Variants in FBN1 observed in about 807,000 individuals in gnomAD.
FBN1 encodes the protein fibrillin 1, also known as fibrillin-1.
FBN1 carries 29 observed loss-of-function variants against 365.1 expected under a neutral mutation model. That is an observed-to-expected ratio of 0.08 (90% confidence interval 0.06 to 0.11). FBN1 has a LOEUF of 0.11. FBN1 is among the 10% of genes least tolerant of loss of function. The pLI is 1.00. For missense variants in FBN1, 2,476 were observed against 3,703.2 expected (o/e 0.67, Z 8.60); for synonymous variants, 1,210 against 1,270.5 (o/e 0.95, Z 1.01).
chr15:48,581,116 C>T (rs2044388636), intron 6 of FBN1, among the ~76,000 whole-genome samples: 2 of 152,270 alleles, frequency 1.3e-5, no homozygotes, highest in South Asian at 4.1e-4. Context: ...ATGCCAGATC[C>T]ATTCTTTAAT....
intron 6 of FBN1, among the ~76,000 whole-genome samples, chr15:48,592,908 T>G (rs2140706658): frequency 6.6e-6 from 1 of 152,240 alleles, no homozygotes; most frequent in South Asian, 2.1e-4. Context: ...AAGCCACAGG[T>G]CTCTATTTTT....
chr15:48,569,799 C>A (rs764443781), intron 6 of FBN1, among the ~76,000 whole-genome samples: 9 of 152,016 alleles, frequency 5.9e-5, no homozygotes, highest in Non-Finnish European at 1.3e-4. Context: ...TGGGAGAGAG[C>A]AAGGATTTTT....
chr15:48,525,381 G>T (rs553772351), intron 9 of FBN1, among the ~76,000 whole-genome samples: 7 of 152,308 alleles, frequency 4.6e-5, no homozygotes, highest in African/African-American at 1.2e-4. Context: ...GTGAGCTACT[G>T]CGCCCAGCCA....
intron 6 of FBN1, among the ~76,000 whole-genome samples, chr15:48,570,337 T>A (rs962362034): frequency 6.6e-6 from 1 of 152,166 alleles, no homozygotes; most frequent in Non-Finnish European, 1.5e-5. Flanking sequence ...CAAATAAGAT[T>A]CTTTACATAA....
chr15:48,638,597 T>A (rs1890140476), intron 2 of FBN1, among the ~76,000 whole-genome samples: 1 of 146,526 alleles, frequency 6.8e-6, no homozygotes, highest in Non-Finnish European at 1.5e-5. Flanking sequence ...CAAAGTACAA[T>A]CATAAGTGAT....
chr15:48,637,629 C>T (rs1890117663), intron 2 of FBN1, among the ~76,000 whole-genome samples: 1 of 152,152 alleles, frequency 6.6e-6, no homozygotes, highest in Non-Finnish European at 1.5e-5. Flanking sequence ...ACTCCAAGCT[C>T]TAGTCTATAT....
intron 6 of FBN1, among the ~76,000 whole-genome samples, chr15:48,546,338 C>A (rs1566924129): frequency 6.6e-6 from 1 of 152,216 alleles, no homozygotes. Flanking sequence ...ATTGGGTACA[C>A]CTGCCTTGGT....
At chr15:48,517,612 GT>G (rs972544536) in intron 10 of FBN1, among the ~76,000 whole-genome samples, 1 of 152,174 alleles carries the variant, frequency 6.6e-6, no homozygotes, top group African/African-American at 2.4e-5. Flanking sequence ...CCAAAAAGGT[GT>G]TTTTAAGCAG....
At chr15:48,639,540 A>G (rs914869577) in intron 2 of FBN1, among the ~76,000 whole-genome samples, 1 of 152,198 alleles carries the variant, frequency 6.6e-6, no homozygotes, top group African/African-American at 2.4e-5. Context: ...AACTAAACTC[A>G]AGCTAGCATT....
chr15:48,495,339 C>G, intron 21 of FBN1, 79 bp from the exon 22 acceptor site: 6 of 1,595,396 alleles, frequency 3.8e-6, no homozygotes, highest in African/African-American at 1.3e-5. Flanking sequence ...ACAAAAATAG[C>G]ATTTGAAACA....
intron 2 of FBN1, chr15:48,641,980 G>T (rs551861041): frequency 6.6e-6 from 1 of 152,124 alleles, no homozygotes; most frequent in African/African-American, 2.4e-5. Flanking sequence ...ATATAAACAC[G>T]TGTATGTAAA....
Position 48,613,161 on chromosome 15 carries a change from G to A in FBN1, c.165-69C>T. ...AAGAGGAAGAGATGGCCAAATAAAA[G>A]GAAAAAAAATTCCTGAGTTATAAAA... On this transcript the variant is annotated intron_variant, in intron 2 of 65. Coordinates refer to ENST00000316623, the MANE Select transcript of FBN1 (RefSeq NM_000138.5). The A allele has an allele frequency of 5.7e-6, 7 of 1,233,798 alleles. No individual in the cohort carries two copies. In the Admixed American group the frequency reaches 7.1e-5, roughly 12 times the overall value. The allele number at this position is 1,233,798 out of a possible 1,614,324, so 76.4% of individuals were successfully genotyped here.
At chr15:48,567,998 T>TAAGG (rs1555403245) in intron 6 of FBN1, among the ~76,000 whole-genome samples, 10 of 56,430 alleles carry the variant, frequency 1.8e-4, no homozygotes, top group African/African-American at 1.0e-3. Context: ...AGTATACAGA[T>TAAGG]AAGAAAGAAA....
chr15:48,420,947 T>A, intron 62 of FBN1, 141 bp from the exon 63 acceptor site: 1 of 922,754 alleles, frequency 1.1e-6, no homozygotes, highest in Non-Finnish European at 1.7e-6. Flanking sequence ...CTTCTGGAAC[T>A]GCTGCTAAGT....
intron 9 of FBN1, among the ~76,000 whole-genome samples, chr15:48,521,241 A>T (rs2043852600): frequency 6.6e-6 from 1 of 152,266 alleles, no homozygotes; most frequent in Non-Finnish European, 1.5e-5. Context: ...AATCTATTTT[A>T]AAACAACATT....
intron 6 of FBN1, among the ~76,000 whole-genome samples, chr15:48,554,248 G>A (rs1308265162): frequency 6.6e-6 from 1 of 152,142 alleles, no homozygotes; most frequent in Non-Finnish European, 1.5e-5. Context: ...TCAAATCCCA[G>A]ATCAGGCCCT....
At chr15:48,544,515 T>C (rs746589969) in intron 6 of FBN1, among the ~76,000 whole-genome samples, 7 of 152,240 alleles carry the variant, frequency 4.6e-5, no homozygotes, top group Non-Finnish European at 8.8e-5. Context: ...ATGAAAAGTA[T>C]TACCACTATG....
At chr15:48,525,304 C>T (rs1341232750) in intron 9 of FBN1, among the ~76,000 whole-genome samples, 1 of 152,134 alleles carries the variant, frequency 6.6e-6, no homozygotes, top group Admixed American at 6.6e-5. Context: ...CCAGGCTGGT[C>T]TTGAACTCCT....
intron 5 of FBN1, 93 bp from the exon 6 acceptor site, chr15:48,596,471 G>A (rs2044517032): frequency 8.4e-6 from 10 of 1,188,882 alleles, no homozygotes; most frequent in African/African-American, 1.5e-5. Context: ...ACAATAAAAT[G>A]TCTAAAGTCA....
Sources: allele counts gnomAD v4.1 joint callset (sites outside exome capture counted in the v4.1 genomes callset), GRCh38; gene constraint gnomAD v4.1.1; transcripts MANE v1.5; gene names NCBI Gene and HGNC (gene_info 2026-07-23, HGNC 2026-07-21).